ATP8B4: variants seen among roughly 807,000 people sequenced by gnomAD.
ATP8B4 encodes the protein probable phospholipid-transporting ATPase IM.
In ATP8B4, 133 loss-of-function variants were observed where a neutral mutation model predicts 145.6. The observed-to-expected ratio is 0.91, with a 90% CI of 0.79 to 1.05. The LOEUF is 1.05. ATP8B4 is among the 50% of genes least tolerant of loss of function. The pLI is 0.00. For synonymous variants in ATP8B4, 507 were observed against 492.9 expected (o/e 1.03, Z -0.38); for missense variants, 1,458 against 1,425.2 (o/e 1.02, Z -0.37).
chr15:50,173,879 A>T (rs1426543773), intron 1 of ATP8B4, among the ~76,000 whole-genome samples: 1 of 152,212 alleles, frequency 6.6e-6, no homozygotes, highest in African/African-American at 2.4e-5. Flanking sequence ...ATGAACATAG[A>T]TGCTAAAATC....
chr15:50,002,393 C>T (rs1366221277), intron 7 of ATP8B4, among the ~76,000 whole-genome samples, 170 bp from the exon 8 acceptor site: 2 of 152,118 alleles, frequency 1.3e-5, no homozygotes, highest in Admixed American at 1.3e-4. Context: ...CCAAACCCTC[C>T]CTCTTCCCTG....
intron 16 of ATP8B4, 45 bp from the exon 17 acceptor site, chr15:49,923,539 T>C (rs2040448270): frequency 7.5e-7 from 1 of 1,325,250 alleles, no homozygotes; most frequent in Admixed American, 2.1e-5. Flanking sequence ...ATCAACGTCA[T>C]ACATCAAAAT....
chr15:50,122,320 T>C (rs1018579592), upstream of ATP8B4, among the ~76,000 whole-genome samples: 1 of 152,202 alleles, frequency 6.6e-6, no homozygotes, highest in Non-Finnish European at 1.5e-5. Flanking sequence ...ATATGATTCC[T>C]GCTCCTGTGA....
At chr15:50,054,783 CAAAAA>C (rs55783703) in intron 3 of ATP8B4, among the ~76,000 whole-genome samples, 3 of 81,838 alleles carry the variant, frequency 3.7e-5, no homozygotes, top group Non-Finnish European at 2.2e-5. Context: ...GACTCCGCCT[CAAAAA>C]AAAAAAAAAA....
intron 16 of ATP8B4, among the ~76,000 whole-genome samples, chr15:49,925,669 T>G (rs1019485446): frequency 2.6e-5 from 4 of 152,138 alleles, no homozygotes; most frequent in Non-Finnish European, 5.9e-5. Context: ...GCAGTACAAT[T>G]TTCTGATTCA....
At chr15:50,127,497 C>T (rs1031108920) in intron 1 of ATP8B4, among the ~76,000 whole-genome samples, 1 of 152,136 alleles carries the variant, frequency 6.6e-6, no homozygotes, top group Non-Finnish European at 1.5e-5. Context: ...GCCATCATCT[C>T]AGTATATCAG....
intron 25 of ATP8B4, among the ~76,000 whole-genome samples, chr15:49,869,907 A>C (rs2033416023): frequency 6.6e-6 from 1 of 152,190 alleles, no homozygotes; most frequent in Non-Finnish European, 1.5e-5. Context: ...TATTTATGAA[A>C]ATTTTAAATG....
intron 3 of ATP8B4, among the ~76,000 whole-genome samples, chr15:50,060,248 A>C (rs887989615): frequency 1.3e-5 from 2 of 152,150 alleles, no homozygotes; most frequent in Admixed American, 1.3e-4. Context: ...CTCAAGCCTT[A>C]AACTTAATAC....
At chr15:50,012,210 G>A (rs1019119370) in intron 6 of ATP8B4, among the ~76,000 whole-genome samples, 2 of 152,110 alleles carry the variant, frequency 1.3e-5, no homozygotes, top group African/African-American at 4.8e-5. Context: ...ATTATGTGCT[G>A]GTTAATTTCT....
chr15:49,927,413 C>T (rs567152103), intron 16 of ATP8B4, among the ~76,000 whole-genome samples: 13 of 152,116 alleles, frequency 8.5e-5, no homozygotes, highest in African/African-American at 2.9e-4. Context: ...ACCCATGTGA[C>T]GATCATGAGA....
At chr15:50,058,930 C>T (rs561830801) in intron 3 of ATP8B4, among the ~76,000 whole-genome samples, 1 of 150,658 alleles carries the variant, frequency 6.6e-6, no homozygotes, top group East Asian at 2.0e-4. Context: ...AAGGAAAATT[C>T]TCCACATGGG....
intron 23 of ATP8B4, 25 bp downstream of exon 23, chr15:49,897,267 C>CA (rs748489704): frequency 6.9e-4 from 1,012 of 1,476,860 alleles, no homozygotes; most frequent in South Asian, 1.6e-3. Context: ...AACAAACAAA[C>CA]AAAAAAAAAC....
At chr15:49,860,584 TTGCAAAAGGA>T in intron 27 of ATP8B4, 109 bp from the exon 28 acceptor site, 1 of 1,294,330 alleles carries the variant, frequency 7.7e-7, no homozygotes, top group Non-Finnish European at 1.0e-6. Flanking sequence ...AAAAACAACA[TTGCAAAAGGA>T]AGTTTTAAAT....
In ATP8B4 at chr15:49,920,371, A is replaced by AT. The variant is rs775327589; in HGVS notation, c.1797dup (p.Tyr600IlefsTer6). ...AAGTACTTGTCATCCAGGTCTCTGT[A>AT]TGCGATGGCCAAGGTCCGAAGGCCT... On this transcript the variant is annotated frameshift_variant, in exon 18 of 28. Transcript: ENST00000284509. LOFTEE classifies it high-confidence loss of function. 7.4e-6 allele frequency: 12 copies of AT among 1,614,230 alleles called. No individual in the cohort carries two copies. The highest frequency in any genetic ancestry group is 1.0e-5 in the Non-Finnish European group (12 of 1,180,040).
chr15:49,921,671 T>G (rs1168530853), intron 17 of ATP8B4, among the ~76,000 whole-genome samples: 1 of 152,226 alleles, frequency 6.6e-6, no homozygotes, highest in East Asian at 1.9e-4. Context: ...CATAGAGGTT[T>G]ATAATCAGGC....
At position 49,979,794 on chromosome 15, in the gene ATP8B4, C is replaced by G. The variant is rs1206037908; in HGVS notation, c.857G>C (p.Cys286Ser). ...TCCTATTGCAAGAATAATTCCCAAG[C>G]ATATCAGAAACCCAAAAATCTGAAA... The part of the protein sequence containing the change: ...LVLWIFGFLI[C>S]LGIILAIGNS... The change falls in exon 12 of 28, where the codon TGC (cysteine) becomes TCC (serine). Residue 286 changes from cysteine (C) to serine (S), a missense_variant. By Grantham distance (112) the Cys-to-Ser change is moderately radical. Coordinates refer to ENST00000284509, the MANE Select transcript of ATP8B4 (RefSeq NM_024837.4). The G allele has an allele frequency of 1.6e-5, 26 of 1,590,872 alleles. No individual in the cohort carries two copies. The highest frequency in any genetic ancestry group is 2.2e-5 in the Non-Finnish European group (26 of 1,166,520).
chr15:50,124,512 G>A (rs963986046), intron 1 of ATP8B4, among the ~76,000 whole-genome samples: 1 of 152,140 alleles, frequency 6.6e-6, no homozygotes, highest in Admixed American at 6.6e-5. Flanking sequence ...TTTAGAAGTA[G>A]AGGACTTTTC....
At chr15:49,862,460 T>A in intron 26 of ATP8B4, 85 bp from the exon 27 acceptor site, 9 of 439,422 alleles carry the variant, frequency 2.0e-5, no homozygotes, top group Non-Finnish European at 2.3e-5. Context: ...CTACAAGATC[T>A]TTTTTTTTTT....
intron 1 of ATP8B4, among the ~76,000 whole-genome samples, chr15:50,132,980 G>T (rs2044069134): frequency 2.2e-5 from 1 of 44,448 alleles, no homozygotes; most frequent in Non-Finnish European, 4.5e-5. Context: ...GGCTAGGGGA[G>T]GGATAGCATT....
Sources: gnomAD v4.1 joint callset for allele counts (sites outside exome capture counted in the v4.1 genomes callset) on GRCh38, gnomAD v4.1.1 for gene constraint, MANE v1.5 for transcripts, NCBI Gene and HGNC (gene_info 2026-07-23, HGNC 2026-07-21) for gene names.